The following KCNIP4 variants were observed in gnomAD, a reference collection of about 807,000 sequenced individuals.
KCNIP4 encodes Kv channel-interacting protein 4.
In KCNIP4, 12 loss-of-function variants were observed where a neutral mutation model predicts 34.0. The ratio of observed to expected loss-of-function variants is 0.35; its 90% CI spans 0.23 to 0.57. The LOEUF is 0.57. KCNIP4 is among the 20% of genes least tolerant of loss of function. The pLI is 0.83. For synonymous variants in KCNIP4, 124 were observed against 102.2 expected, an observed-to-expected ratio of 1.21 and a Z score of -1.29; for missense variants, 238 against 311.7, an observed-to-expected ratio of 0.76 and a Z score of 1.78.
chr4:21,155,840 G>A (rs1467865460), intron 1 of KCNIP4, among the ~76,000 whole-genome samples: 1 of 152,118 alleles, frequency 6.6e-6, no homozygotes, highest in Non-Finnish European at 1.5e-5. Context: ...ATATCTGCAG[G>A]TAATAAATTT....
intron 1 of KCNIP4, chr4:21,847,392 G>A (rs1399468541): frequency 2.0e-5 from 3 of 152,056 alleles, no homozygotes; most frequent in African/African-American, 7.2e-5. Flanking sequence ...CATCACACAA[G>A]GATGTCTAGC....
At chr4:21,727,864 A>G (rs1232974040) in intron 1 of KCNIP4, among the ~76,000 whole-genome samples, 1 of 152,024 alleles carries the variant, frequency 6.6e-6, no homozygotes, top group Non-Finnish European at 1.5e-5. Flanking sequence ...AATAAATAAA[A>G]TGGTTATTTG....
intron 1 of KCNIP4, among the ~76,000 whole-genome samples, chr4:21,271,468 T>C (rs1441101191): frequency 6.6e-6 from 1 of 152,204 alleles, no homozygotes; most frequent in Non-Finnish European, 1.5e-5. Flanking sequence ...ACTGTGTTCA[T>C]CTGCTTTATT....
intron 1 of KCNIP4, among the ~76,000 whole-genome samples, chr4:20,914,400 C>A (rs1728611856): frequency 1.3e-5 from 2 of 151,854 alleles, no homozygotes; most frequent in Admixed American, 1.3e-4. Flanking sequence ...TAAAAGAGAC[C>A]CCGGAGAGCT....
In KCNIP4 at chr4:21,303,780, A is replaced by G. The variant is rs182891144; in HGVS notation, c.62-421071T>C. On this transcript the variant is annotated intron_variant, in intron 1 of 8. Transcript: ENST00000382152. ...TTTCATTGCAAAACAGAGAATTTTTAGAAGTCACTAAAAAGCACTCCCTTA... is the reference window on the plus strand; with the variant it reads ...TTTCATTGCAAAACAGAGAATTTTTGGAAGTCACTAAAAAGCACTCCCTTA... 21 of 1,570,594 alleles carry G rather than the reference A, an allele frequency of 1.3e-5. No individual in the cohort carries two copies. In the Admixed American group the frequency reaches 2.3e-4, roughly 18 times the overall value.
At chr4:21,329,917 A>G (rs1400643024) in intron 1 of KCNIP4, among the ~76,000 whole-genome samples, 4 of 152,202 alleles carry the variant, frequency 2.6e-5, no homozygotes, top group Non-Finnish European at 5.9e-5. Flanking sequence ...CCAGCTTGTC[A>G]GTATAAATTG....
intron 1 of KCNIP4, among the ~76,000 whole-genome samples, chr4:21,209,904 T>G (rs1440593857): frequency 6.6e-6 from 1 of 152,194 alleles, no homozygotes; most frequent in African/African-American, 2.4e-5. Context: ...AGTTCAATAA[T>G]TATTCACTTA....
chr4:21,127,376 G>T (rs897859227), intron 1 of KCNIP4, among the ~76,000 whole-genome samples: 4 of 152,122 alleles, frequency 2.6e-5, no homozygotes, highest in Non-Finnish European at 4.4e-5. Context: ...TTGCTTTTGT[G>T]ACAACCCAAA....
intron 1 of KCNIP4, among the ~76,000 whole-genome samples, chr4:21,152,396 C>T (rs779487286): frequency 1.3e-5 from 2 of 152,078 alleles, no homozygotes; most frequent in Non-Finnish European, 1.5e-5. Context: ...CTTCCATTCT[C>T]TCATTTTTTA....
chr4:21,933,740 G>A (rs1729701991), intron 1 of KCNIP4, among the ~76,000 whole-genome samples: 1 of 152,062 alleles, frequency 6.6e-6, no homozygotes, highest in Non-Finnish European at 1.5e-5. Context: ...AAAATAGTTT[G>A]CCTCTGAGCT....
intron 1 of KCNIP4, among the ~76,000 whole-genome samples, chr4:21,837,693 T>C: frequency 2.6e-5 from 1 of 39,130 alleles, no homozygotes; most frequent in South Asian, 1.1e-3. Context: ...AATTTCATTA[T>C]TGTAAGTCCA....
chr4:21,248,457 G>A (rs1760452410), intron 1 of KCNIP4, among the ~76,000 whole-genome samples: 1 of 152,166 alleles, frequency 6.6e-6, no homozygotes. Flanking sequence ...GGGTTTCTCT[G>A]AATATTCAGT....
At chr4:21,226,996 T>C (rs546274807) in intron 1 of KCNIP4, among the ~76,000 whole-genome samples, 1 of 152,320 alleles carries the variant, frequency 6.6e-6, no homozygotes, top group African/African-American at 2.4e-5. Context: ...TTGCAAATTG[T>C]CAGTTTGGCA....
intron 1 of KCNIP4, among the ~76,000 whole-genome samples, chr4:21,660,857 G>A (rs575405915): frequency 1.3e-5 from 2 of 152,258 alleles, no homozygotes; most frequent in African/African-American, 2.4e-5. Context: ...GACATGGACA[G>A]GAGGCAGGGA....
chr4:21,385,278 G>C (rs569026472), intron 1 of KCNIP4, among the ~76,000 whole-genome samples: 2 of 152,292 alleles, frequency 1.3e-5, no homozygotes, highest in South Asian at 4.1e-4. Flanking sequence ...AGCAAATGCT[G>C]GGTGATTTAA....
chr4:21,207,469 A>T (rs1479847820), intron 1 of KCNIP4, among the ~76,000 whole-genome samples: 2 of 152,194 alleles, frequency 1.3e-5, no homozygotes, highest in Admixed American at 1.3e-4. Flanking sequence ...TTTTGTGCTA[A>T]AAATAAGTGA....
chr4:20,801,757 A>T (rs530352885), intron 3 of KCNIP4, among the ~76,000 whole-genome samples: 12 of 152,250 alleles, frequency 7.9e-5, no homozygotes, highest in African/African-American at 2.9e-4. Flanking sequence ...ATAGACAACA[A>T]GAGAGGAAGA....
At chr4:20,965,059 ATTAAGT>A (rs1734217428) in intron 1 of KCNIP4, among the ~76,000 whole-genome samples, 2 of 152,300 alleles carry the variant, frequency 1.3e-5, no homozygotes, top group East Asian at 3.9e-4. Flanking sequence ...TAAGAATGTA[ATTAAGT>A]TTAACTTTTA....
chr4:21,296,046 G>A (rs1763822660), intron 1 of KCNIP4, among the ~76,000 whole-genome samples: 1 of 152,224 alleles, frequency 6.6e-6, no homozygotes, highest in South Asian at 2.1e-4. Flanking sequence ...GGCTTTATCT[G>A]TTCTGCTTAT....
Sources: allele counts gnomAD v4.1 joint callset (sites outside exome capture counted in the v4.1 genomes callset), GRCh38; gene constraint gnomAD v4.1.1; transcripts MANE v1.5; gene names NCBI Gene and HGNC (gene_info 2026-07-23, HGNC 2026-07-21).